SYNE1: variants seen among roughly 807,000 people sequenced by gnomAD.
SYNE1 encodes the protein nesprin-1.
SYNE1 carries 616 observed loss-of-function variants against 1,111.0 expected under a neutral mutation model. The observed-to-expected ratio is 0.55, with a 90% confidence interval of 0.52 to 0.59. SYNE1 has a LOEUF of 0.59. Among genes scored for constraint, SYNE1 ranks in the 20% least tolerant of loss-of-function variants. The pLI is 0.00. For missense variants in SYNE1, 10,006 were observed against 10,417.0 expected, an observed-to-expected ratio of 0.96 and a Z score of 1.72; for synonymous variants, 3,855 against 3,825.8, an observed-to-expected ratio of 1.01 and a Z score of -0.28.
At chr6:152,509,837 C>A (rs1423385643) in intron 8 of SYNE1, among the ~76,000 whole-genome samples, 1 of 152,068 alleles carries the variant, frequency 6.6e-6, no homozygotes, top group East Asian at 1.9e-4. Context: ...GAAGAGATAA[C>A]CGAGTTTAAA....
In SYNE1 at chr6:152,226,197, A is replaced by G. The variant is rs149661660; in HGVS notation, c.21196-321T>C. On this transcript the variant is annotated intron_variant, in intron 115 of 145. Coordinates refer to ENST00000367255, the MANE Select transcript of SYNE1 (RefSeq NM_182961.4). ...CATGTCAGAAACTGTAATATTATTTATATTATTAAGTTCATATATGTTGGT... is the reference window on the plus strand; with the variant it reads ...CATGTCAGAAACTGTAATATTATTTGTATTATTAAGTTCATATATGTTGGT... Among the ~76,000 whole-genome samples the G allele has an allele frequency of 2.2e-3, 330 of 152,280 alleles. 2 individuals carry two copies. The highest frequency in any genetic ancestry group is 3.2e-3 in the Non-Finnish European group (217 of 68,026).
At position 152,152,284 on chromosome 6, in the gene SYNE1, C is replaced by T. The variant is rs1586305826; in HGVS notation, c.24130-143G>A. ...AAGAATGATGTCTAATAACGGTACA[C>T]TTCCCCTTGTTAATGCAAAGTCATC... On this transcript the variant is annotated intron_variant, in intron 133 of 145. Coordinates refer to ENST00000367255, the MANE Select transcript of SYNE1 (RefSeq NM_182961.4). The T allele has an allele frequency of 7.8e-6, 6 of 768,634 alleles. No individual in the cohort carries two copies. In the East Asian group the frequency reaches 1.6e-4, roughly 20 times the overall value. The allele number at this position is 768,634 out of a possible 1,614,324, so 47.6% of individuals were successfully genotyped here. A position where few individuals can be genotyped will look rare whatever the true frequency, so the allele number is the denominator to read the frequency against.
chr6:152,163,268 G>A (rs1381523557), intron 131 of SYNE1, among the ~76,000 whole-genome samples: 1 of 152,164 alleles, frequency 6.6e-6, no homozygotes, highest in Middle Eastern at 3.2e-3. Context: ...GAGGCCGAGG[G>A]TGGGCAGATC....
chr6:152,210,950 T>C (rs1212819821), intron 124 of SYNE1, among the ~76,000 whole-genome samples: 2 of 152,186 alleles, frequency 1.3e-5, no homozygotes, highest in Non-Finnish European at 2.9e-5. Flanking sequence ...AGAATTCTCA[T>C]GGCATGAGAA....
rs1383359340 is a variant in SYNE1 at position 152,430,587 on chromosome 6, T to C, written c.4584A>G (p.Gln1528=). Residue 1528 remains glutamine, a synonymous_variant, in exon 35 of 146, where the codon CAA becomes CAG. Coordinates refer to ENST00000367255, the MANE Select transcript of SYNE1 (RefSeq NM_182961.4). ...ESARIKAKLT[Q]IRRYGEELRE... ...GAAGCTCTTCCCCGTATCTTCTTATTTGTGTCAACTTGGCTTTAATTCGAG... is the reference window on the plus strand; with the variant it reads ...GAAGCTCTTCCCCGTATCTTCTTATCTGTGTCAACTTGGCTTTAATTCGAG... 1 of 1,614,150 alleles carries C rather than the reference T, an allele frequency of 6.2e-7. No individual in the cohort carries two copies. The highest frequency in any genetic ancestry group is 1.1e-5 in the South Asian group (1 of 91,080).
chr6:152,309,744 G>C, intron 90 of SYNE1, 91 bp downstream of exon 90: 1 of 1,516,700 alleles, frequency 6.6e-7, no homozygotes, highest in Non-Finnish European at 9.0e-7. Flanking sequence ...CACCCTGGAT[G>C]TGTTTTGATG....
At chr6:152,348,350 A>T (rs1180771990) in intron 72 of SYNE1, among the ~76,000 whole-genome samples, 1 of 152,198 alleles carries the variant, frequency 6.6e-6, no homozygotes. Context: ...TTTAGTGAGC[A>T]TTCTTATAGA....
At chr6:152,586,832 C>G (rs2099541071) in intron 3 of SYNE1, among the ~76,000 whole-genome samples, 1 of 152,032 alleles carries the variant, frequency 6.6e-6, no homozygotes. Flanking sequence ...CCCTACATTC[C>G]TAGAAGACTC....
intron 130 of SYNE1, among the ~76,000 whole-genome samples, chr6:152,173,374 T>C (rs1370827151): frequency 6.6e-6 from 1 of 152,226 alleles, no homozygotes; most frequent in Non-Finnish European, 1.5e-5. Flanking sequence ...TCTTCAAAAA[T>C]AACCTCTCCA....
intron 97 of SYNE1, among the ~76,000 whole-genome samples, chr6:152,280,287 A>T (rs993149575): frequency 1.3e-5 from 2 of 152,242 alleles, no homozygotes; most frequent in Non-Finnish European, 2.9e-5. Context: ...TTAGATTTTT[A>T]AAAACTATTT....
At chr6:152,291,342 C>G (rs577512794) in intron 95 of SYNE1, among the ~76,000 whole-genome samples, 1 of 151,204 alleles carries the variant, frequency 6.6e-6, no homozygotes, top group Admixed American at 6.6e-5. Context: ...GACTGGTAAT[C>G]TTCACTAAAT....
rs187936359 is a variant in SYNE1, at chr6:152,593,617, G to A, written c.67+34648C>T. Among the ~76,000 whole-genome samples the A allele has an allele frequency of 2.2e-4, 34 of 151,934 alleles. No individual in the cohort carries two copies. The East Asian group carries it at 5.0e-3, about 23-fold the overall frequency. ...GACATAGCTTGAAGACATAGAGGAC[G>A]GAAAACATTCAAGGACTCTATAGTT... is the stretch of plus-strand genomic sequence containing the variant. On this transcript the variant is annotated intron_variant, in intron 3 of 145. Transcript: ENST00000367255.
At chr6:152,578,912 C>G (rs1226340459) in intron 3 of SYNE1, among the ~76,000 whole-genome samples, 1 of 152,032 alleles carries the variant, frequency 6.6e-6, no homozygotes, top group Non-Finnish European at 1.5e-5. Context: ...TCCATCAAGT[C>G]TTTGGAAACA....
intron 130 of SYNE1, among the ~76,000 whole-genome samples, chr6:152,172,368 GA>G (rs1447117194): frequency 6.6e-6 from 1 of 152,090 alleles, no homozygotes; most frequent in East Asian, 1.9e-4. Context: ...CTGCTATTGA[GA>G]AAAACAAAAA....
intron 3 of SYNE1, among the ~76,000 whole-genome samples, chr6:152,588,669 T>C (rs1187564499): frequency 6.6e-6 from 1 of 151,724 alleles, no homozygotes; most frequent in African/African-American, 2.4e-5. Context: ...CTTTTGAAAC[T>C]CACTGTCCAG....
At chr6:152,437,416 T>C (rs1447754242) in intron 32 of SYNE1, among the ~76,000 whole-genome samples, 1 of 152,200 alleles carries the variant, frequency 6.6e-6, no homozygotes, top group Non-Finnish European at 1.5e-5. Flanking sequence ...ACTGTTAGCA[T>C]TCTATTAGCA....
intron 11 of SYNE1, among the ~76,000 whole-genome samples, chr6:152,492,779 TCAATACGGAGGCTACC>T (rs1285111334): frequency 2.0e-5 from 3 of 152,280 alleles, no homozygotes; most frequent in African/African-American, 7.2e-5. Context: ...CCCTTCTTAA[TCAATACGGAGGCTACC>T]CACTCCACAT....
intron 90 of SYNE1, among the ~76,000 whole-genome samples, chr6:152,309,507 C>A (rs890414370): frequency 5.9e-5 from 9 of 151,906 alleles, no homozygotes; most frequent in Admixed American, 5.2e-4. Context: ...AACAGTAAAC[C>A]TGTATTATCA....
Position 152,152,180 on chromosome 6 carries a change from C to G in SYNE1, c.24130-39G>C, listed in dbSNP as rs372326335. 79 of 1,590,696 alleles carry G rather than the reference C, an allele frequency of 5.0e-5. 2 individuals carry two copies. The South Asian group carries it at 8.5e-4, about 17-fold the overall frequency. On this transcript the variant is annotated intron_variant, in intron 133 of 145. Transcript: ENST00000367255. ...GAAGCATATCAGTGTGAGAAATCAG[C>G]GAAGGACTCTCAGTAGTGGCTCCTG...
Sources: gnomAD v4.1 joint callset for allele counts (sites outside exome capture counted in the v4.1 genomes callset) on GRCh38, gnomAD v4.1.1 for gene constraint, MANE v1.5 for transcripts, NCBI Gene and HGNC (gene_info 2026-07-23, HGNC 2026-07-21) for gene names.